The following SAMM50 variants were observed in gnomAD, a reference collection of about 807,000 sequenced individuals.
SAMM50 encodes the protein sorting and assembly machinery component 50 homolog.
A neutral mutation model predicts 66.9 loss-of-function variants in SAMM50; 47 were observed. The observed-to-expected ratio is 0.70, with a 90% CI of 0.56 to 0.90. The LOEUF is 0.90. Ranked by LOEUF, SAMM50 falls within the 40% of genes least tolerant of loss-of-function variation. The pLI is 0.00. For synonymous variants in SAMM50, 191 were observed against 214.1 expected, an observed-to-expected ratio of 0.89 and a Z score of 0.94; for missense variants, 535 against 595.3, an observed-to-expected ratio of 0.90 and a Z score of 1.05.
intron 4 of SAMM50, among the ~76,000 whole-genome samples, chr22:43,969,181 C>T (rs1405025662): frequency 3.3e-5 from 5 of 152,120 alleles, no homozygotes; most frequent in South Asian, 4.1e-4. Flanking sequence ...CTGGACTCCA[C>T]GGGGGCCTGA....
At chr22:43,984,312 A>G (rs533356762) in intron 12 of SAMM50, among the ~76,000 whole-genome samples, 2 of 152,148 alleles carry the variant, frequency 1.3e-5, no homozygotes, top group African/African-American at 4.8e-5. Context: ...TCCTTTGTTT[A>G]CATATTATTA....
At chr22:43,978,898 G>A (rs943033921) in intron 10 of SAMM50, among the ~76,000 whole-genome samples, 1 of 152,188 alleles carries the variant, frequency 6.6e-6, no homozygotes, top group African/African-American at 2.4e-5. Flanking sequence ...TTTCTAGAGA[G>A]CTCATTTTAA....
intron 8 of SAMM50, 77 bp from the exon 9 acceptor site, chr22:43,976,672 GC>G: frequency 9.9e-7 from 1 of 1,012,410 alleles, no homozygotes. Context: ...GCGTGGTGTG[GC>G]CCACGTGCTG....
intron 12 of SAMM50, among the ~76,000 whole-genome samples, chr22:43,984,782 C>T (rs1022749475): frequency 1.3e-5 from 2 of 151,984 alleles, no homozygotes; most frequent in African/African-American, 4.8e-5. Context: ...GCACACACCA[C>T]CACGCCTGGC....
chr22:43,965,894 A>G (rs932988331), intron 3 of SAMM50, among the ~76,000 whole-genome samples: 1 of 152,158 alleles, frequency 6.6e-6, no homozygotes, highest in African/African-American at 2.4e-5. Context: ...GCTGGAGTCC[A>G]GTGGCGTGAA....
At chr22:43,967,761 A>G (rs1240724688) in intron 3 of SAMM50, among the ~76,000 whole-genome samples, 1 of 152,060 alleles carries the variant, frequency 6.6e-6, no homozygotes, top group African/African-American at 2.4e-5. Context: ...TGGAATCTCA[A>G]CTTTCCTTAT....
intron 3 of SAMM50, among the ~76,000 whole-genome samples, chr22:43,965,360 C>A (rs1358535599): frequency 2.0e-5 from 3 of 151,972 alleles, no homozygotes; most frequent in African/African-American, 7.3e-5. Flanking sequence ...TGTGCACCAC[C>A]ACACCTGGCT....
chr22:43,957,223 A>G (rs2050124193), intron 1 of SAMM50: 1 of 673,342 alleles, frequency 1.5e-6, no homozygotes, highest in Admixed American at 2.2e-5. Context: ...AGCCAGAGTA[A>G]TCTGGGGAAA....
At chr22:43,978,036 A>C in intron 10 of SAMM50, 78 bp downstream of exon 10, 1 of 950,438 alleles carries the variant, frequency 1.1e-6, no homozygotes, top group Non-Finnish European at 1.7e-6. Context: ...TTAGCTCCTG[A>C]ATATCTAAAG....
chr22:43,968,605 T>A (rs912232416), intron 3 of SAMM50, 126 bp from the exon 4 acceptor site: 1 of 683,164 alleles, frequency 1.5e-6, no homozygotes, highest in African/African-American at 1.8e-5. Context: ...GTCTTGGTAG[T>A]GCTCTCTGCT....
intron 10 of SAMM50, among the ~76,000 whole-genome samples, chr22:43,978,357 C>T (rs1382702064): frequency 7.2e-6 from 1 of 139,602 alleles, no homozygotes; most frequent in African/African-American, 2.7e-5. Context: ...ATGGCATGAA[C>T]TCCGGAGGCA....
At chr22:43,957,398 A>C in intron 1 of SAMM50, 3 of 407,136 alleles carry the variant, frequency 7.4e-6, no homozygotes, top group Non-Finnish European at 4.5e-6. Flanking sequence ...TTGAAAAAAA[A>C]AAGGCAACTT....
chr22:43,985,892 A>G (rs1261130053), intron 12 of SAMM50, among the ~76,000 whole-genome samples: 1 of 150,082 alleles, frequency 6.7e-6, no homozygotes, highest in Non-Finnish European at 1.5e-5. Flanking sequence ...ATGACACACT[A>G]TTATCTTTTT....
intron 10 of SAMM50, among the ~76,000 whole-genome samples, chr22:43,980,095 TC>T (rs2050255126): frequency 7.0e-6 from 1 of 143,120 alleles, no homozygotes; most frequent in Non-Finnish European, 1.5e-5. Context: ...CGTCCATCCA[TC>T]CACCCATCCA....
At chr22:43,975,363 A>G (rs4823106) in intron 7 of SAMM50, 87,616 of 152,144 alleles carry the variant, frequency 0.58, 25,888 homozygotes, top group East Asian at 0.83. Flanking sequence ...CCTGGGGAGT[A>G]TGGGGTGACG....
intron 12 of SAMM50, 113 bp downstream of exon 12, chr22:43,984,113 G>A: frequency 2.3e-6 from 2 of 865,704 alleles, no homozygotes; most frequent in Non-Finnish European, 3.5e-6. Context: ...TCACGGTGGT[G>A]GAATTAGCAC....
At chr22:43,974,456 T>G (rs738492) in intron 7 of SAMM50, 97,541 of 151,832 alleles carry the variant, frequency 0.64, 31,940 homozygotes, top group East Asian at 0.83. Flanking sequence ...GTGGCGCAGT[T>G]TAGGTGCTTG....
In SAMM50 at chr22:43,976,140, C is replaced by T; in HGVS notation, c.734C>T (p.Ala245Val). 2 of 1,610,342 alleles carry T rather than the reference C, an allele frequency of 1.2e-6. No individual in the cohort carries two copies. The highest frequency in any genetic ancestry group is 1.7e-6 in the Non-Finnish European group (2 of 1,176,778). Reference protein sequence around the residue: ...LGCLSRTASFAVRKESGHSLK... With the variant: ...LGCLSRTASFVVRKESGHSLK... ...TGCCTCTCAAGGACGGCGTCATTTG[C>T]TGTTCGAAAAGAAAGCGGACATTCA... is the stretch of plus-strand genomic sequence containing the variant. The change falls in exon 8 of 15, where the codon GCT becomes GTT. Residue 245 changes from alanine to valine, a missense_variant. By Grantham distance (64) the Ala-to-Val change is moderately conservative. Transcript: ENST00000350028.
chr22:43,958,612 G>A (rs2050132275), intron 1 of SAMM50, among the ~76,000 whole-genome samples: 1 of 151,494 alleles, frequency 6.6e-6, no homozygotes, highest in Admixed American at 6.6e-5. Context: ...CCGAGTAGCT[G>A]GGACTACAGG....
Sources: allele counts gnomAD v4.1 joint callset (sites outside exome capture counted in the v4.1 genomes callset), GRCh38; gene constraint gnomAD v4.1.1; transcripts MANE v1.5; gene names NCBI Gene and HGNC (gene_info 2026-07-23, HGNC 2026-07-21).